The following C18orf54 variants were observed in gnomAD, a reference collection of about 807,000 sequenced individuals.
C18orf54 encodes the protein chromosome 18 open reading frame 54, also known as lung adenoma susceptibility protein 2.
In C18orf54, 49 loss-of-function variants were observed where a neutral mutation model predicts 49.3. The observed-to-expected ratio is 0.99, with a 90% CI of 0.79 to 1.26. The LOEUF is 1.26. Ranked by LOEUF, C18orf54 falls within the 50% of genes most tolerant of loss-of-function variation. The pLI is 0.00. For synonymous variants in C18orf54, 211 were observed against 216.6 expected (o/e 0.97, Z 0.23); for missense variants, 687 against 620.6 (o/e 1.11, Z -1.14).
chr18:54,370,498 T>C (rs2089467045), intron 6 of C18orf54, among the ~76,000 whole-genome samples: 1 of 152,210 alleles, frequency 6.6e-6, no homozygotes, highest in South Asian at 2.1e-4. Context: ...AAAACAGCGA[T>C]GACTATATAT....
In C18orf54 at chr18:54,374,241, C is replaced by T; in HGVS notation, c.1486C>T (p.Gln496Ter). The change falls in exon 8 of 9, where the codon CAG (glutamine) becomes TAG (stop). Residue 496 changes from glutamine to a stop codon, truncating the protein, a stop_gained. Coordinates refer to ENST00000620105, the MANE Select transcript of C18orf54 (RefSeq NM_001288980.2). LOFTEE classifies it high-confidence loss of function. The part of the protein sequence containing the change: ...QVSEDDFSKL[Q>*]LKESMIPITR... ...TTCAGAAGATGATTTCTCTAAATTA[C>T]AGTTGAAGGAAAGTATGATTCCTAT... 1.3e-6 allele frequency: 2 copies of T among 1,582,094 alleles called. No individual in the cohort carries two copies. The highest frequency in any genetic ancestry group is 8.6e-7 in the Non-Finnish European group (1 of 1,162,956).
intron 7 of C18orf54, 92 bp from the exon 8 acceptor site, chr18:54,374,122 T>G: frequency 9.6e-7 from 1 of 1,041,934 alleles, no homozygotes; most frequent in Non-Finnish European, 1.3e-6. Context: ...GTAGAAAATA[T>G]TTTTTAATGT....
chr18:54,370,144 G>A (rs977743989), intron 6 of C18orf54, among the ~76,000 whole-genome samples: 6 of 152,178 alleles, frequency 3.9e-5, no homozygotes, highest in African/African-American at 9.6e-5. Flanking sequence ...GGTTCTGGTG[G>A]CGGGCGCCTT....
chr18:54,367,745 A>C (rs7240120), intron 6 of C18orf54, among the ~76,000 whole-genome samples: 113,086 of 151,758 alleles, frequency 0.75, 42,560 homozygotes, highest in African/African-American at 0.86. Flanking sequence ...TGTCATATGT[A>C]TTCCCAGACG....
In C18orf54 at chr18:54,358,813, C is replaced by T. The variant is rs1267492748; in HGVS notation, c.-104C>T. The T allele has an allele frequency of 6.6e-6, 1 of 152,232 alleles. No individual in the cohort carries two copies. Among genetic ancestry groups the T allele is most frequent in the Non-Finnish European group, 1.5e-5 (1 of 68,054 alleles). The allele number at this position is 152,232 out of a possible 1,614,324, so 9.4% of individuals were successfully genotyped here. On this transcript the variant is annotated 5_prime_UTR_variant, in exon 2 of 9. Coordinates refer to ENST00000620105, the MANE Select transcript of C18orf54 (RefSeq NM_001288980.2). The stretch of plus-strand genomic sequence containing the variant: ...TTGTCAATAAGTTTAACATTCTGTT[C>T]TTCCGCGTGATGGATTTTCTTTTGG...
At chr18:54,375,256 A>G (rs1291619253) in intron 8 of C18orf54, among the ~76,000 whole-genome samples, 2 of 151,880 alleles carry the variant, frequency 1.3e-5, no homozygotes, top group Non-Finnish European at 2.9e-5. Flanking sequence ...TGATCTTCAC[A>G]ACCTTATGAA....
At position 54,381,451 on chromosome 18, in the gene C18orf54, C is replaced by A. The variant is rs764481493; in HGVS notation, c.*3205C>A. 2.7e-4 allele frequency: 41 copies of A among 152,102 alleles called. No homozygotes were observed. The highest frequency in any genetic ancestry group is 4.7e-4 in the Non-Finnish European group (32 of 68,012). 9.4% of individuals were successfully genotyped at this position (152,102 alleles called of 1,614,324 possible). A position where few individuals can be genotyped will look rare whatever the true frequency, so the allele number is the denominator to read the frequency against. ...AACCTTTAACATCTACTGTCTTAGT[C>A]TTTTACACAGAAGCCAGAGTGACTG... On this transcript the variant is annotated 3_prime_UTR_variant, in exon 9 of 9. Coordinates refer to ENST00000620105, the MANE Select transcript of C18orf54 (RefSeq NM_001288980.2).
chr18:54,368,079 A>G (rs1233858649), intron 6 of C18orf54, among the ~76,000 whole-genome samples: 1 of 151,332 alleles, frequency 6.6e-6, no homozygotes, highest in South Asian at 2.1e-4. Flanking sequence ...CATATTGTGA[A>G]TTGTTTTCCT....
At chr18:54,376,623 C>T (rs1020427228) in intron 8 of C18orf54, among the ~76,000 whole-genome samples, 3 of 152,206 alleles carry the variant, frequency 2.0e-5, no homozygotes, top group South Asian at 2.1e-4. Flanking sequence ...CTGGCCACCA[C>T]GCCCAGCTGA....
At chr18:54,369,125 C>G (rs571188220) in intron 6 of C18orf54, among the ~76,000 whole-genome samples, 40 of 152,212 alleles carry the variant, frequency 2.6e-4, no homozygotes, top group Middle Eastern at 3.4e-3. Context: ...GCAGGAAGAC[C>G]TAGGAAACAA....
Position 54,361,876 on chromosome 18 carries a change from C to G in C18orf54, c.517C>G (p.Pro173Ala), listed in dbSNP as rs1011776417. The G allele has an allele frequency of 6.2e-7, 1 of 1,614,086 alleles. No individual in the cohort carries two copies. Among genetic ancestry groups the G allele is most frequent in the Non-Finnish European group, 8.5e-7 (1 of 1,179,986 alleles). Reference protein sequence around the residue: ...DIEKNPHFQGPYTSMGKDNFV... With the variant: ...DIEKNPHFQGAYTSMGKDNFV... Reference sequence around the variant, plus strand: ...TGAGAAGAATCCACATTTTCAAGGACCCTACACTTCCATGGGCAAGGATAA... The same window carrying G: ...TGAGAAGAATCCACATTTTCAAGGAGCCTACACTTCCATGGGCAAGGATAA... Residue 173 changes from proline (P) to alanine (A), a missense_variant, in exon 4 of 9, where the codon CCC (proline) becomes GCC (alanine). Coordinates refer to ENST00000620105, the MANE Select transcript of C18orf54 (RefSeq NM_001288980.2).
chr18:54,359,355 A>G (rs2089213879), intron 2 of C18orf54, among the ~76,000 whole-genome samples: 1 of 152,232 alleles, frequency 6.6e-6, no homozygotes, highest in South Asian at 2.1e-4. Context: ...ATATACCAGT[A>G]TTACAGAATT....
At chr18:54,370,134 G>C (rs927481200) in intron 6 of C18orf54, among the ~76,000 whole-genome samples, 3 of 152,014 alleles carry the variant, frequency 2.0e-5, no homozygotes, top group Admixed American at 2.0e-4. Flanking sequence ...AAAATGAGCC[G>C]GTTCTGGTGG....
chr18:54,367,512 G>A (rs2089407770), intron 6 of C18orf54, among the ~76,000 whole-genome samples: 1 of 136,406 alleles, frequency 7.3e-6, no homozygotes, highest in East Asian at 2.2e-4. Context: ...CTTGGCTTGC[G>A]ATTTTTCTTT....
intron 8 of C18orf54, among the ~76,000 whole-genome samples, chr18:54,375,917 C>T (rs1184830851): frequency 6.6e-6 from 1 of 152,042 alleles, no homozygotes; most frequent in Non-Finnish European, 1.5e-5. Flanking sequence ...AAGTTATTTT[C>T]AGTCTGTAGA....
Position 54,361,864 on chromosome 18 carries a change from C to T in C18orf54, c.505C>T (p.His169Tyr), listed in dbSNP as rs1159060731. The T allele has an allele frequency of 1.4e-5, 23 of 1,614,066 alleles. No homozygotes were observed. Among genetic ancestry groups the T allele is most frequent in the Middle Eastern group, 1.7e-4 (1 of 6,060 alleles). The change falls in exon 4 of 9, where the codon CAT becomes TAT. Residue 169 changes from histidine to tyrosine, a missense_variant. His to Tyr is a moderately conservative substitution (Grantham distance 83). Coordinates refer to ENST00000620105, the MANE Select transcript of C18orf54 (RefSeq NM_001288980.2). ...LGSLDIEKNP[H>Y]FQGPYTSMGK... ...TTCATTGGACATTGAGAAGAATCCACATTTTCAAGGACCCTACACTTCCAT... is the reference window on the plus strand; with the variant it reads ...TTCATTGGACATTGAGAAGAATCCATATTTTCAAGGACCCTACACTTCCAT...
At chr18:54,365,965 T>C (rs1176165047) in intron 6 of C18orf54, 144 bp downstream of exon 6, 3 of 310,046 alleles carry the variant, frequency 9.7e-6, no homozygotes, top group Admixed American at 9.8e-5. Context: ...TCCAGAATTA[T>C]TGATTATATT....
intron 5 of C18orf54, among the ~76,000 whole-genome samples, 160 bp from the exon 6 acceptor site, chr18:54,365,559 G>C (rs994277270): frequency 2.6e-5 from 4 of 151,856 alleles, no homozygotes; most frequent in Non-Finnish European, 5.9e-5. Flanking sequence ...TTAGGGAGAA[G>C]ATAAGGGAAT....
intron 6 of C18orf54, among the ~76,000 whole-genome samples, chr18:54,371,890 C>CAT (rs1254628864): frequency 1.3e-5 from 2 of 152,058 alleles, no homozygotes; most frequent in Non-Finnish European, 2.9e-5. Flanking sequence ...ATATCCCTCA[C>CAT]CGATTATCTT....
Sources: allele counts gnomAD v4.1 joint callset (sites outside exome capture counted in the v4.1 genomes callset), GRCh38; gene constraint gnomAD v4.1.1; transcripts MANE v1.5; gene names NCBI Gene and HGNC (gene_info 2026-07-23, HGNC 2026-07-21).